Variants in DDX17 observed in about 807,000 individuals in gnomAD.
DDX17 encodes the protein DEAD-box helicase 17.
DDX17 carries 10 observed loss-of-function variants against 80.8 expected under a neutral mutation model. The ratio of observed to expected loss-of-function variants is 0.12; its 90% CI spans 0.08 to 0.21. The LOEUF (loss-of-function observed/expected upper bound fraction) is 0.21, where lower values mean the gene tolerates loss of function less well. Ranked by LOEUF, DDX17 falls within the 10% of genes least tolerant of loss-of-function variation. The pLI, the probability that DDX17 is intolerant of heterozygous loss-of-function variation, is 1.00. For missense variants in DDX17, 586 were observed against 957.4 expected, an observed-to-expected ratio of 0.61 and a Z score of 5.12; for synonymous variants, 339 against 336.2, an observed-to-expected ratio of 1.01 and a Z score of -0.09.
intron 11 of DDX17, 42 bp from the exon 12 acceptor site, chr22:38,488,157 A>C (rs778596202): frequency 6.2e-7 from 1 of 1,612,514 alleles, no homozygotes; most frequent in Non-Finnish European, 8.5e-7. Flanking sequence ...TTGATGTGGC[A>C]GGGAAAGAGA....
intron 11 of DDX17, chr22:38,490,167 T>C: frequency 8.5e-7 from 1 of 1,170,214 alleles, no homozygotes; most frequent in Non-Finnish European, 1.1e-6. Flanking sequence ...CAGTCAAGTC[T>C]ACCCTGATGT....
At chr22:38,498,720 C>T (rs2089794953) in intron 3 of DDX17, 147 bp from the exon 4 acceptor site, 2 of 828,968 alleles carry the variant, frequency 2.4e-6, no homozygotes, top group African/African-American at 1.7e-5. Context: ...AGATCTCCGA[C>T]CAACTCACTG....
intron 5 of DDX17, among the ~76,000 whole-genome samples, chr22:38,497,297 C>CAAAAAA (rs138448): frequency 1.4e-4 from 5 of 36,170 alleles, no homozygotes; most frequent in African/African-American, 3.8e-4. Context: ...AACTCCATCT[C>CAAAAAA]AAAAAAAAAA....
In DDX17 at chr22:38,506,285, T is replaced by C. The variant is rs1264827456; in HGVS notation, c.-48A>G. 2.6e-6 allele frequency: 4 copies of C among 1,518,900 alleles called. No individual in the cohort carries two copies. The highest frequency in any genetic ancestry group is 2.4e-5 in the East Asian group (1 of 41,038). The allele number at this position is 1,518,900 out of a possible 1,614,324, so 94.1% of individuals were successfully genotyped here. ...CAGTGCCGCGGTTTAGGCGTCTCCTTCCTTCCCAGCGACTGCACAAAATGG... is the reference window on the plus strand; with the variant it reads ...CAGTGCCGCGGTTTAGGCGTCTCCTCCCTTCCCAGCGACTGCACAAAATGG... On this transcript the variant is annotated 5_prime_UTR_variant, in exon 1 of 13. Transcript: ENST00000403230.
chr22:38,487,253 G>T (rs556673747), intron 12 of DDX17, among the ~76,000 whole-genome samples: 1 of 152,170 alleles, frequency 6.6e-6, no homozygotes, highest in African/African-American at 2.4e-5. Context: ...TCAGCACTTT[G>T]GGAGGCCAAG....
intron 1 of DDX17, among the ~76,000 whole-genome samples, chr22:38,504,874 A>G (rs1286080615): frequency 1.2e-4 from 18 of 151,962 alleles, no homozygotes; most frequent in Non-Finnish European, 1.2e-4. Flanking sequence ...AAGGTCACAC[A>G]CACACATATC....
chr22:38,494,888 T>C lies in DDX17; in HGVS notation c.1039A>G (p.Arg347Gly). The change falls in exon 7 of 13, where the codon AGG becomes GGG. Residue 347 changes from arginine (R) to glycine (G), a missense_variant and splice_region_variant. Arg to Gly is a moderately radical substitution (Grantham distance 125). Around this residue, in one of 4 missense-constraint regions of DDX17, gnomAD observed 141 missense variants for 379.3 expected, o/e 0.37. Coordinates refer to ENST00000403230, the MANE Select transcript of DDX17 (RefSeq NM_006386.5). ...TGCTTATTATTAGCTTTACACACCC[T>C]GATTTGGTCAACAATTTTACGGATC... 6.2e-7 allele frequency: 1 copy of C among 1,614,128 alleles called. No homozygotes were observed. The highest frequency in any genetic ancestry group is 8.5e-7 in the Non-Finnish European group (1 of 1,179,992).
intron 6 of DDX17, 35 bp from the exon 7 acceptor site, chr22:38,495,081 T>C (rs757630476): frequency 6.3e-7 from 1 of 1,594,582 alleles, no homozygotes; most frequent in South Asian, 1.1e-5. Context: ...GCCAATCGAC[T>C]AGGTGCAGTG....
Position 38,487,959 on chromosome 22 carries a change from T to C in DDX17, c.1604A>G (p.Lys535Arg), listed in dbSNP as rs1249336448. ...AGCCTGATTGGCCTCTTCCAGCACTTTGATAAGCTCTCTGGCCTGTTTTAG... is the reference window on the plus strand; with the variant it reads ...AGCCTGATTGGCCTCTTCCAGCACTCTGATAAGCTCTCTGGCCTGTTTTAG... Residue 535 changes from lysine (K) to arginine (R), a missense_variant, in exon 12 of 13, where the codon AAA becomes AGA. By Grantham distance (26) the Lys-to-Arg change is conservative. Around this residue, in one of 4 missense-constraint regions of DDX17, gnomAD observed 221 missense variants for 261.4 expected, o/e 0.85. Coordinates refer to ENST00000403230, the MANE Select transcript of DDX17 (RefSeq NM_006386.5). The C allele has an allele frequency of 2.5e-6, 4 of 1,614,224 alleles. No individual in the cohort carries two copies. Among genetic ancestry groups the C allele is most frequent in the East Asian group, 2.2e-5 (1 of 44,888 alleles).
At position 38,493,602 on chromosome 22, in the gene DDX17, C is replaced by T. The variant is rs879251811; in HGVS notation, c.1387+108G>A. On this transcript the variant is annotated intron_variant, in intron 10 of 12. Transcript: ENST00000403230. The stretch of plus-strand genomic sequence containing the variant: ...TGGTTTACAAAGCCAAGCATACTTA[C>T]TATGTGGCCCTTTACAGAAAGTTTG... 7 of 845,270 alleles carry T rather than the reference C, an allele frequency of 8.3e-6. No individual in the cohort carries two copies. In the African/African-American group the frequency reaches 1.2e-4, roughly 14 times the overall value. 52.4% of individuals were successfully genotyped at this position (845,270 alleles called of 1,614,324 possible).
intron 1 of DDX17, among the ~76,000 whole-genome samples, chr22:38,503,878 A>C (rs1342159368): frequency 6.6e-6 from 1 of 152,236 alleles, no homozygotes; most frequent in Non-Finnish European, 1.5e-5. Flanking sequence ...CAATTCAAAT[A>C]ATCAAGAACA....
intron 6 of DDX17, among the ~76,000 whole-genome samples, chr22:38,495,404 C>A (rs767854871): frequency 9.2e-5 from 14 of 152,122 alleles, no homozygotes; most frequent in Non-Finnish European, 1.8e-4. Context: ...TGCCACCACG[C>A]CTGGCTAATT....
rs1330601319 is a variant in DDX17 at position 38,495,750 on chromosome 22, G to A, written c.880+46C>T. On this transcript the variant is annotated intron_variant, in intron 6 of 12. Transcript: ENST00000403230. ...TCTCCAATTTCCTCCACAGGAATTG[G>A]TAAAGTAAGATAAACTAACAATTCT... The A allele has an allele frequency of 2.1e-6, 3 of 1,404,690 alleles. No homozygotes were observed. In the Admixed American group the frequency reaches 7.4e-5, roughly 35 times the overall value. 87.0% of individuals were successfully genotyped at this position (1,404,690 alleles called of 1,614,324 possible). A position where few individuals can be genotyped will look rare whatever the true frequency, so the allele number is the denominator to read the frequency against.
intron 2 of DDX17, among the ~76,000 whole-genome samples, chr22:38,500,333 TA>T (rs2145706968): frequency 6.6e-6 from 1 of 151,952 alleles, no homozygotes; most frequent in South Asian, 2.1e-4. Flanking sequence ...TTATGAGTAT[TA>T]GGGGTCTTAG....
rs1354219385 is a variant in DDX17 at position 38,483,662 on chromosome 22, T to C, written c.*2273A>G. On this transcript the variant is annotated 3_prime_UTR_variant, in exon 13 of 13. Transcript: ENST00000403230. ...TCCCAAGCAAAAGCCACTAACCTTT[T>C]AGATGAGAAGTCCACACAACGAATT... is the stretch of plus-strand genomic sequence containing the variant. 6.6e-6 allele frequency: 1 copy of C among 152,586 alleles called. No individual in the cohort carries two copies. Among genetic ancestry groups the C allele is most frequent in the Non-Finnish European group, 1.5e-5 (1 of 68,048 alleles). The allele number at this position is 152,586 out of a possible 1,614,324, so 9.5% of individuals were successfully genotyped here.
At position 38,489,116 on chromosome 22, in the gene DDX17, T is replaced by G; in HGVS notation, c.1448-1001A>C. 5 of 984,382 alleles carry G rather than the reference T, an allele frequency of 5.1e-6. No homozygotes were observed. Among genetic ancestry groups the G allele is most frequent in the Non-Finnish European group, 6.0e-6 (5 of 829,024 alleles). The allele number at this position is 984,382 out of a possible 1,614,324, so 61.0% of individuals were successfully genotyped here. Reference sequence around the variant, plus strand: ...AAGAATATAACAAAGAATCCTACTGTTTTGTGGAAAAAAATCTGCATTTTA... The same window carrying G: ...AAGAATATAACAAAGAATCCTACTGGTTTGTGGAAAAAAATCTGCATTTTA... On this transcript the variant is annotated intron_variant, in intron 11 of 12. Transcript: ENST00000403230. This position sits in a 1 kb window ranked among gnomAD's most constrained non-coding sequence, Gnocchi z 4.6.
Position 38,492,254 on chromosome 22 carries a change from A to G in DDX17, c.1388-139T>C. On this transcript the variant is annotated intron_variant, in intron 10 of 12. Transcript: ENST00000403230. ...ATGACTGACAGTGATTCTTTTGAAA[A>G]TCTTTATTACACTCATATTCAGCAG... 4.8e-6 allele frequency: 3 copies of G among 630,816 alleles called. 1 individual carries two copies. The highest frequency in any genetic ancestry group is 8.0e-6 in the Non-Finnish European group (3 of 374,052). 39.1% of individuals were successfully genotyped at this position (630,816 alleles called of 1,614,324 possible).
chr22:38,490,557 CTA>C (rs1160489114), intron 11 of DDX17: 6 of 787,260 alleles, frequency 7.6e-6, no homozygotes, highest in African/African-American at 3.7e-5. Flanking sequence ...CTAAGGATGA[CTA>C]TTATAAAATT....
chr22:38,489,967 G>A lies in DDX17; in HGVS notation c.1448-1852C>T, dbSNP rs1569137804. ...AATTACTACACTGGATGCGTTAAGTGTGCTTTCCTAGCAGAAAGCACCAGG... is the reference window on the plus strand; with the variant it reads ...AATTACTACACTGGATGCGTTAAGTATGCTTTCCTAGCAGAAAGCACCAGG... On this transcript the variant is annotated intron_variant, in intron 11 of 12. Transcript: ENST00000403230. This position sits in a 1 kb window ranked among gnomAD's most constrained non-coding sequence, Gnocchi z 4.6. The A allele has an allele frequency of 9.9e-7, 1 of 1,013,256 alleles. No individual in the cohort carries two copies. 62.8% of individuals were successfully genotyped at this position (1,013,256 alleles called of 1,614,324 possible). A position where few individuals can be genotyped will look rare whatever the true frequency, so the allele number is the denominator to read the frequency against.
Sources: gnomAD v4.1 joint callset for allele counts (sites outside exome capture counted in the v4.1 genomes callset) on GRCh38, gnomAD v4.1.1 for gene constraint, gnomAD v4.1.1 regional missense constraint, Gnocchi (gnomAD v3.1) non-coding constraint, MANE v1.5 for transcripts, NCBI Gene and HGNC (gene_info 2026-07-23, HGNC 2026-07-21) for gene names.